Variants in CCDC60 observed in about 807,000 individuals in gnomAD.
CCDC60 encodes the protein coiled-coil domain-containing protein 60.
CCDC60 carries 54 observed loss-of-function variants against 63.5 expected under a neutral mutation model. The ratio of observed to expected loss-of-function variants is 0.85; its 90% CI spans 0.68 to 1.07. CCDC60 has a LOEUF of 1.07. CCDC60 is among the 50% of genes least tolerant of loss of function. The probability of loss-of-function intolerance (pLI) is 0.00; values close to 1 mark genes in which losing one functional copy is unlikely to be tolerated. For missense variants in CCDC60, 651 were observed against 684.3 expected (o/e 0.95, Z 0.54); for synonymous variants, 206 against 238.8 (o/e 0.86, Z 1.27).
intron 1 of CCDC60, among the ~76,000 whole-genome samples, chr12:119,419,888 TTTTTG>T (rs35384300): frequency 0.12 from 15,523 of 130,274 alleles, 618 homozygotes; most frequent in African/African-American, 0.16. Context: ...TTTTTTTTTT[TTTTTG>T]GAGACAGAGT....
intron 8 of CCDC60, among the ~76,000 whole-genome samples, chr12:119,519,022 T>C (rs1221067131): frequency 6.6e-6 from 1 of 152,172 alleles, no homozygotes; most frequent in African/African-American, 2.4e-5. Flanking sequence ...TCCCTAATCT[T>C]TTGCTAAGGC....
intron 1 of CCDC60, among the ~76,000 whole-genome samples, chr12:119,371,748 C>T (rs951611776): frequency 2.0e-5 from 3 of 152,182 alleles, no homozygotes; most frequent in Non-Finnish European, 4.4e-5. Context: ...GGCTTTTCTC[C>T]GGGCTTCAAG....
intron 4 of CCDC60, among the ~76,000 whole-genome samples, chr12:119,481,990 A>ATATATATATATAG (rs1951329830): frequency 8.8e-6 from 1 of 114,252 alleles, no homozygotes; most frequent in Non-Finnish European, 1.8e-5. Flanking sequence ...ATATATGTAT[A>ATATATATATATAG]TATATATGTA....
chr12:119,455,258 T>C (rs773791157), intron 2 of CCDC60, among the ~76,000 whole-genome samples: 14 of 152,104 alleles, frequency 9.2e-5, no homozygotes, highest in Non-Finnish European at 1.8e-4. Flanking sequence ...TTGGGAGCAA[T>C]AGAGAGAAGT....
At chr12:119,412,519 A>G (rs1956621192) in intron 1 of CCDC60, among the ~76,000 whole-genome samples, 1 of 152,216 alleles carries the variant, frequency 6.6e-6, no homozygotes, top group South Asian at 2.1e-4. Context: ...ATTGCCAAAT[A>G]AATTTTTTCA....
intron 8 of CCDC60, among the ~76,000 whole-genome samples, chr12:119,519,403 G>A (rs921112802): frequency 4.7e-4 from 11 of 23,526 alleles, no homozygotes; most frequent in African/African-American, 2.7e-3. Flanking sequence ...TGATATATAT[G>A]TGTGTGTGTG....
chr12:119,493,718 T>A (rs1374020964), intron 5 of CCDC60, among the ~76,000 whole-genome samples: 1 of 152,226 alleles, frequency 6.6e-6, no homozygotes, highest in African/African-American at 2.4e-5. Context: ...GCCAATTACG[T>A]TTCTCCAAGA....
intron 2 of CCDC60, among the ~76,000 whole-genome samples, chr12:119,429,353 T>A (rs1456607841): frequency 1.3e-5 from 2 of 152,156 alleles, no homozygotes; most frequent in Non-Finnish European, 2.9e-5. Context: ...CAGCCATCTC[T>A]GTCTAGTGAG....
intron 11 of CCDC60, among the ~76,000 whole-genome samples, chr12:119,524,826 T>G (rs903449530): frequency 1.2e-4 from 18 of 149,896 alleles, no homozygotes; most frequent in African/African-American, 3.9e-4. Context: ...AGTTTTTTGG[T>G]TTTTGGTTTT....
intron 3 of CCDC60, 105 bp downstream of exon 3, chr12:119,472,269 C>T (rs1951078129): frequency 2.9e-6 from 3 of 1,051,566 alleles, no homozygotes; most frequent in South Asian, 3.0e-5. Context: ...AGAGCACGTG[C>T]CCCTTCTCAG....
chr12:119,403,791 T>TC (rs1411026643), intron 1 of CCDC60, among the ~76,000 whole-genome samples: 3 of 152,178 alleles, frequency 2.0e-5, no homozygotes, highest in African/African-American at 7.2e-5. Context: ...GCAAATGCTG[T>TC]CCCCTCTGCC....
intron 1 of CCDC60, among the ~76,000 whole-genome samples, chr12:119,381,929 A>T (rs1165098106): frequency 3.3e-5 from 5 of 152,220 alleles, no homozygotes; most frequent in Admixed American, 1.3e-4. Context: ...TTGTTTTCTA[A>T]AGTCAGAAGA....
chr12:119,346,358 G>C (rs1163169518), intron 1 of CCDC60, among the ~76,000 whole-genome samples: 1 of 152,120 alleles, frequency 6.6e-6, no homozygotes. Flanking sequence ...TCTACTTGTA[G>C]AGATGAGGAA....
chr12:119,444,842 G>T (rs925624532), intron 2 of CCDC60, among the ~76,000 whole-genome samples: 1 of 152,180 alleles, frequency 6.6e-6, no homozygotes, highest in Non-Finnish European at 1.5e-5. Flanking sequence ...ATCCCTGCTC[G>T]ATCTAAGGGA....
At chr12:119,406,190 TAG>T (rs1425500029) in intron 1 of CCDC60, among the ~76,000 whole-genome samples, 4 of 117,888 alleles carry the variant, frequency 3.4e-5, no homozygotes, top group Non-Finnish European at 7.4e-5. Context: ...TATATATATA[TAG>T]ATATATATAT....
At chr12:119,360,536 G>A (rs1333057809) in intron 1 of CCDC60, among the ~76,000 whole-genome samples, 3 of 151,502 alleles carry the variant, frequency 2.0e-5, no homozygotes, top group South Asian at 2.1e-4. Context: ...CTTCTCAGAC[G>A]GGGCGGCCGG....
chr12:119,524,565 T>C (rs777683113), intron 11 of CCDC60: 200 of 458,626 alleles, frequency 4.4e-4, no homozygotes, highest in Non-Finnish European at 5.4e-4. Context: ...AACAGTCCAG[T>C]AGGGAAGATG....
chr12:119,400,425 A>T (rs182824835), intron 1 of CCDC60, among the ~76,000 whole-genome samples: 1 of 152,268 alleles, frequency 6.6e-6, no homozygotes, highest in Admixed American at 6.5e-5. Flanking sequence ...GGAGACGAGT[A>T]AATATTTCAA....
intron 7 of CCDC60, among the ~76,000 whole-genome samples, chr12:119,512,213 C>A (rs1952231364): frequency 6.6e-6 from 1 of 152,212 alleles, no homozygotes; most frequent in African/African-American, 2.4e-5. Flanking sequence ...CTTGAGCCAA[C>A]TGCAGGTACC....
Sources: allele counts gnomAD v4.1 joint callset (sites outside exome capture counted in the v4.1 genomes callset), GRCh38; gene constraint gnomAD v4.1.1; transcripts MANE v1.5; gene names NCBI Gene and HGNC (gene_info 2026-07-23, HGNC 2026-07-21).